ADAMTS6: variants seen among roughly 807,000 people sequenced by gnomAD.
ADAMTS6 encodes A disintegrin and metalloproteinase with thrombospondin motifs 6.
A neutral mutation model predicts 144.3 loss-of-function variants in ADAMTS6; 23 were observed. The ratio of observed to expected loss-of-function variants is 0.16; its 90% CI spans 0.11 to 0.23. The LOEUF (loss-of-function observed/expected upper bound fraction) is 0.23. Ranked by LOEUF, ADAMTS6 falls within the 10% of genes least tolerant of loss-of-function variation. The probability of loss-of-function intolerance (pLI) is 1.00; values close to 1 mark genes in which losing one functional copy is unlikely to be tolerated. For synonymous variants in ADAMTS6, 444 were observed against 457.5 expected, an observed-to-expected ratio of 0.97 and a Z score of 0.38; for missense variants, 999 against 1,379.6, an observed-to-expected ratio of 0.72 and a Z score of 4.37.
At chr5:65,267,071 T>C (rs572983023) in intron 12 of ADAMTS6, among the ~76,000 whole-genome samples, 2 of 152,134 alleles carry the variant, frequency 1.3e-5, no homozygotes, top group South Asian at 4.1e-4. Context: ...TTGGAATATA[T>C]AAATCTTATA....
intron 24 of ADAMTS6, among the ~76,000 whole-genome samples, chr5:65,156,162 C>T (rs1752404498): frequency 6.6e-6 from 1 of 152,124 alleles, no homozygotes; most frequent in South Asian, 2.1e-4. Flanking sequence ...TTGCTGTGCT[C>T]ATTGCAATTA....
intron 19 of ADAMTS6, 89 bp from the exon 20 acceptor site, chr5:65,215,021 A>G: frequency 6.8e-7 from 1 of 1,475,298 alleles, no homozygotes; most frequent in Non-Finnish European, 9.1e-7. Flanking sequence ...AGAAAATGTC[A>G]AAACAAGTCT....
chr5:65,224,180 T>C, intron 18 of ADAMTS6, 140 bp downstream of exon 18: 1 of 670,308 alleles, frequency 1.5e-6, no homozygotes. Flanking sequence ...GTATATGTGT[T>C]CTATAAAACT....
intron 12 of ADAMTS6, among the ~76,000 whole-genome samples, chr5:65,271,833 T>C (rs1762080494): frequency 6.6e-6 from 1 of 152,206 alleles, no homozygotes; most frequent in Admixed American, 6.5e-5. Context: ...ATATGGATTG[T>C]TGTTTCAAGA....
At chr5:65,453,604 T>C (rs1257403983) in intron 4 of ADAMTS6, among the ~76,000 whole-genome samples, 1 of 152,188 alleles carries the variant, frequency 6.6e-6, no homozygotes, top group Non-Finnish European at 1.5e-5. Flanking sequence ...TAGCATGGAT[T>C]GCAATGTATC....
intron 9 of ADAMTS6, among the ~76,000 whole-genome samples, chr5:65,324,391 C>T (rs1472877716): frequency 6.6e-6 from 1 of 151,864 alleles, no homozygotes; most frequent in African/African-American, 2.4e-5. Context: ...TTTTAGGACA[C>T]AAAAAGCAAA....
At chr5:65,406,575 T>C (rs2136760) in intron 7 of ADAMTS6, among the ~76,000 whole-genome samples, 92,353 of 151,908 alleles carry the variant, frequency 0.61, 29,922 homozygotes, top group African/African-American at 0.84. Context: ...ATTTTTGCAT[T>C]GATGTTCATC....
chr5:65,175,114 C>T (rs936935997), intron 22 of ADAMTS6, among the ~76,000 whole-genome samples: 1 of 152,104 alleles, frequency 6.6e-6, no homozygotes, highest in East Asian at 1.9e-4. Flanking sequence ...AGACCCCACA[C>T]CCCCCTCACC....
chr5:65,189,007 T>TA (rs909127284), intron 21 of ADAMTS6, among the ~76,000 whole-genome samples: 1 of 152,198 alleles, frequency 6.6e-6, no homozygotes, highest in Non-Finnish European at 1.5e-5. Context: ...ATGGGAGTCT[T>TA]AAAACACCTT....
chr5:65,479,389 C>T (rs1275344298), intron 1 of ADAMTS6, among the ~76,000 whole-genome samples: 4 of 152,064 alleles, frequency 2.6e-5, no homozygotes, highest in African/African-American at 9.7e-5. Context: ...GAGCTAAAAG[C>T]AAAAATACAA....
At chr5:65,385,390 CAG>C (rs1388409890) in intron 7 of ADAMTS6, among the ~76,000 whole-genome samples, 7 of 152,124 alleles carry the variant, frequency 4.6e-5, no homozygotes, top group African/African-American at 7.2e-5. Flanking sequence ...AAACTAAACT[CAG>C]AGAGACCCAA....
intron 15 of ADAMTS6, among the ~76,000 whole-genome samples, chr5:65,228,137 T>A (rs1244184274): frequency 6.6e-6 from 1 of 152,190 alleles, no homozygotes; most frequent in Non-Finnish European, 1.5e-5. Flanking sequence ...TTACCCAAAA[T>A]GTCCATGAAT....
At chr5:65,370,829 A>G (rs1253529475) in intron 7 of ADAMTS6, among the ~76,000 whole-genome samples, 2 of 152,212 alleles carry the variant, frequency 1.3e-5, no homozygotes, top group Non-Finnish European at 2.9e-5. Context: ...GCAGGGCAAG[A>G]CAAACAAAAA....
At chr5:65,382,223 A>G (rs1752105795) in intron 7 of ADAMTS6, among the ~76,000 whole-genome samples, 1 of 152,232 alleles carries the variant, frequency 6.6e-6, no homozygotes, top group Non-Finnish European at 1.5e-5. Context: ...AAAGTAAGGC[A>G]TATCTGCAGG....
At chr5:65,332,308 T>TAGAGAGAG (rs1176890409) in intron 8 of ADAMTS6, among the ~76,000 whole-genome samples, 1 of 109,412 alleles carries the variant, frequency 9.1e-6, no homozygotes, top group Non-Finnish European at 2.1e-5. Context: ...TATATATATA[T>TAGAGAGAG]ATATAGAGAG....
intron 4 of ADAMTS6, among the ~76,000 whole-genome samples, chr5:65,459,632 C>T (rs1468634874): frequency 6.6e-6 from 1 of 152,244 alleles, no homozygotes; most frequent in Non-Finnish European, 1.5e-5. Flanking sequence ...TCCACTTCTA[C>T]ACAGCTACCT....
At chr5:65,370,494 T>G (rs567437763) in intron 7 of ADAMTS6, among the ~76,000 whole-genome samples, 12 of 152,216 alleles carry the variant, frequency 7.9e-5, no homozygotes, top group African/African-American at 1.4e-4. Context: ...TTCCCTTTCC[T>G]AGTCAAAGAA....
intron 7 of ADAMTS6, among the ~76,000 whole-genome samples, chr5:65,371,683 T>C (rs1360063757): frequency 6.6e-6 from 1 of 152,174 alleles, no homozygotes; most frequent in Admixed American, 6.5e-5. Flanking sequence ...TGGAACCAAG[T>C]TGGAAAACAC....
intron 14 of ADAMTS6, among the ~76,000 whole-genome samples, chr5:65,253,854 A>G (rs1760416401): frequency 2.9e-5 from 3 of 102,532 alleles, no homozygotes; most frequent in African/African-American, 7.8e-5. Context: ...TTGAGACAGG[A>G]TCTCACTCTG....
Sources: allele counts gnomAD v4.1 joint callset (sites outside exome capture counted in the v4.1 genomes callset), GRCh38; gene constraint gnomAD v4.1.1; transcripts MANE v1.5; gene names NCBI Gene and HGNC (gene_info 2026-07-23, HGNC 2026-07-21).